Variants in NPAS2 observed in about 807,000 individuals in gnomAD.
The protein encoded by NPAS2 is neuronal PAS domain protein 2.
A neutral mutation model predicts 107.5 loss-of-function variants in NPAS2; 23 were observed. The ratio of observed to expected loss-of-function variants is 0.21; its 90% confidence interval spans 0.15 to 0.30. The LOEUF is 0.30. NPAS2 is among the 10% of genes least tolerant of loss of function. The pLI is 1.00. For synonymous variants in NPAS2, 403 were observed against 417.5 expected, an observed-to-expected ratio of 0.97 and a Z score of 0.42; for missense variants, 756 against 1,043.3, an observed-to-expected ratio of 0.72 and a Z score of 3.79.
intron 1 of NPAS2, among the ~76,000 whole-genome samples, chr2:100,824,868 T>C (rs536968833): frequency 4.6e-5 from 7 of 152,266 alleles, no homozygotes; most frequent in Middle Eastern, 3.4e-3. Context: ...TCTAAGAGAA[T>C]GGCAATGGCA....
chr2:100,843,866 T>C (rs1253492546), intron 1 of NPAS2, among the ~76,000 whole-genome samples: 1 of 152,180 alleles, frequency 6.6e-6, no homozygotes, highest in Non-Finnish European at 1.5e-5. Flanking sequence ...GTTCAGATGG[T>C]TTGGCAAATG....
chr2:100,925,214 C>T lies in NPAS2; in HGVS notation c.101C>T (p.Ser34Phe), dbSNP rs140186927. The stretch of plus-strand genomic sequence containing the variant: ...AATGTTCTCATCAAAGAGCTCAGTT[C>T]CATGCTCCCTGGCAACACGCGGAAA... Reference protein sequence around the residue: ...QFNVLIKELSSMLPGNTRKMD... With the variant: ...QFNVLIKELSFMLPGNTRKMD... Residue 34 changes from serine to phenylalanine, a missense_variant, in exon 3 of 21, where the codon TCC becomes TTC. Physicochemically the swap from Ser to Phe is radical, Grantham distance 155. Transcript: ENST00000335681. The T allele has an allele frequency of 6.2e-7, 1 of 1,614,018 alleles. No individual in the cohort carries two copies. Among genetic ancestry groups the T allele is most frequent in the Non-Finnish European group, 8.5e-7 (1 of 1,180,018 alleles).
At chr2:100,873,269 AAAATACATATATATAT>A (rs1417342213) in intron 1 of NPAS2, among the ~76,000 whole-genome samples, 1 of 75,698 alleles carries the variant, frequency 1.3e-5, no homozygotes, top group Admixed American at 1.4e-4. Context: ...AAAAAAAAAA[AAAATACATATATATAT>A]ATATATATAT....
chr2:100,873,121 C>G (rs1369804344), intron 1 of NPAS2, among the ~76,000 whole-genome samples: 1 of 151,074 alleles, frequency 6.6e-6, no homozygotes, highest in Non-Finnish European at 1.5e-5. Context: ...TGGCCAATAT[C>G]GTGAAACCTC....
At chr2:100,958,211 C>G (rs1391788905) in intron 7 of NPAS2, among the ~76,000 whole-genome samples, 1 of 152,164 alleles carries the variant, frequency 6.6e-6, no homozygotes, top group Non-Finnish European at 1.5e-5. Context: ...CGCCTCTAAC[C>G]GCACAACCAG....
intron 1 of NPAS2, among the ~76,000 whole-genome samples, chr2:100,862,877 G>C (rs555052760): frequency 6.6e-6 from 1 of 152,184 alleles, no homozygotes; most frequent in South Asian, 2.1e-4. Context: ...TGAGGGGGAC[G>C]TATGTGAGTG....
chr2:100,923,050 A>G (rs1683336225), intron 2 of NPAS2, among the ~76,000 whole-genome samples: 1 of 152,220 alleles, frequency 6.6e-6, no homozygotes. Context: ...ATGCATAGAC[A>G]TTCACTCTGA....
chr2:100,945,465 G>C (rs1163405246), intron 5 of NPAS2, among the ~76,000 whole-genome samples: 1 of 152,188 alleles, frequency 6.6e-6, no homozygotes, highest in Non-Finnish European at 1.5e-5. Context: ...CCTGGCCATT[G>C]CCAGCCTGAC....
chr2:100,963,695 C>G (rs1410438244), intron 7 of NPAS2, among the ~76,000 whole-genome samples: 1 of 152,194 alleles, frequency 6.6e-6, no homozygotes, highest in Non-Finnish European at 1.5e-5. Context: ...GGATTACAGG[C>G]GTGAGCCACT....
chr2:100,877,908 G>C, intron 1 of NPAS2: 1 of 935,214 alleles, frequency 1.1e-6, no homozygotes. Flanking sequence ...CAGGGACCAA[G>C]TAAAATGAAA....
intron 1 of NPAS2, among the ~76,000 whole-genome samples, chr2:100,897,563 T>C (rs1038992739): frequency 1.5e-4 from 23 of 152,144 alleles, no homozygotes; most frequent in African/African-American, 5.3e-4. Flanking sequence ...CTTTCCTTGC[T>C]GTCTGGGGGA....
chr2:100,992,444 G>A (rs1377938145), intron 19 of NPAS2, among the ~76,000 whole-genome samples: 1 of 152,214 alleles, frequency 6.6e-6, no homozygotes, highest in African/African-American at 2.4e-5. Flanking sequence ...CCTAGTGTTG[G>A]AGGTGTGGCC....
At chr2:100,901,676 A>G in intron 1 of NPAS2, 1 of 332,842 alleles carries the variant, frequency 3.0e-6, no homozygotes, top group Non-Finnish European at 4.3e-6. Flanking sequence ...CTCCTATGGG[A>G]CACACTCCTT....
At chr2:100,847,357 T>C (rs1179603803) in intron 1 of NPAS2, 1 of 152,218 alleles carries the variant, frequency 6.6e-6, no homozygotes, top group Non-Finnish European at 1.5e-5. Flanking sequence ...ATGTATACTT[T>C]ACCACAATAA....
At chr2:100,934,399 C>T (rs967971743) in intron 4 of NPAS2, among the ~76,000 whole-genome samples, 1 of 151,096 alleles carries the variant, frequency 6.6e-6, no homozygotes, top group African/African-American at 2.4e-5. Flanking sequence ...GAATAAATTT[C>T]GGGGCTAGAA....
chr2:100,867,018 T>C (rs1679296643), intron 1 of NPAS2, among the ~76,000 whole-genome samples: 1 of 152,250 alleles, frequency 6.6e-6, no homozygotes, highest in African/African-American at 2.4e-5. Flanking sequence ...CAGTGTAATA[T>C]TTGGTCACCT....
At chr2:100,946,244 G>A (rs962353824) in intron 5 of NPAS2, among the ~76,000 whole-genome samples, 2 of 152,202 alleles carry the variant, frequency 1.3e-5, no homozygotes, top group Non-Finnish European at 2.9e-5. Flanking sequence ...GCATGGAGGG[G>A]TAGAACCTGC....
intron 19 of NPAS2, 73 bp downstream of exon 19, chr2:100,990,945 C>A: frequency 7.8e-7 from 1 of 1,288,636 alleles, no homozygotes; most frequent in Non-Finnish European, 1.1e-6. Flanking sequence ...ACTCACCCGC[C>A]TGGGCCAGCA....
At chr2:100,959,364 CAAAG>C (rs1238986580) in intron 7 of NPAS2, among the ~76,000 whole-genome samples, 2 of 152,206 alleles carry the variant, frequency 1.3e-5, no homozygotes, top group East Asian at 1.9e-4. Context: ...ACAGCTGAAA[CAAAG>C]GAAACAGAAA....
Sources: allele counts gnomAD v4.1 joint callset (sites outside exome capture counted in the v4.1 genomes callset), GRCh38; gene constraint gnomAD v4.1.1; transcripts MANE v1.5; gene names NCBI Gene and HGNC (gene_info 2026-07-23, HGNC 2026-07-21).